PIWIL3: variants seen among roughly 807,000 people sequenced by gnomAD.
PIWIL3 encodes piwi-like protein 3.
A neutral mutation model predicts 109.7 loss-of-function variants in PIWIL3; 101 were observed. The ratio of observed to expected loss-of-function variants is 0.92; its 90% CI spans 0.78 to 1.09. PIWIL3 has a LOEUF of 1.09. Among genes scored for constraint, PIWIL3 ranks in the 50% least tolerant of loss-of-function variants. PIWIL3 has a pLI of 0.00. For missense variants in PIWIL3, 1,031 were observed against 1,072.6 expected, an observed-to-expected ratio of 0.96 and a Z score of 0.54; for synonymous variants, 373 against 376.4, an observed-to-expected ratio of 0.99 and a Z score of 0.10.
chr22:24,724,978 G>T lies in PIWIL3; in HGVS notation c.2140C>A (p.Arg714=). 1 of 1,614,096 alleles carries T rather than the reference G, an allele frequency of 6.2e-7. No homozygotes were observed. Among genetic ancestry groups the T allele is most frequent in the Non-Finnish European group, 8.5e-7 (1 of 1,179,998 alleles). The part of the protein sequence containing the change: ...SSMPHSVIVY[R]DGVGDGQLQA... ...AGCTGACCATCTCCCACTCCATCCC[G>T]ATACACAATAACAGAATGTGGCATC... Residue 714 remains arginine, a synonymous_variant, in exon 18 of 21, where the codon CGG becomes AGG. Transcript: ENST00000616349.
At chr22:24,741,313 G>A (rs982231198) in intron 12 of PIWIL3, among the ~76,000 whole-genome samples, 15 of 152,184 alleles carry the variant, frequency 9.9e-5, no homozygotes, top group African/African-American at 2.9e-4. Flanking sequence ...AGGAGATCAA[G>A]ACCATCCTGG....
intron 17 of PIWIL3, 56 bp downstream of exon 17, chr22:24,725,389 T>C (rs955217173): frequency 3.8e-6 from 6 of 1,592,078 alleles, no homozygotes; most frequent in Middle Eastern, 1.7e-4. Flanking sequence ...AGTAAGTCCA[T>C]TGGTGGAGAA....
chr22:24,771,391 T>C (rs1926124549), intron 1 of PIWIL3, among the ~76,000 whole-genome samples: 1 of 148,662 alleles, frequency 6.7e-6, no homozygotes, highest in Admixed American at 6.9e-5. Context: ...GGCAGGAGAA[T>C]GGCGTGAACC....
intron 9 of PIWIL3, among the ~76,000 whole-genome samples, chr22:24,751,038 T>C (rs1260446807): frequency 1.3e-5 from 2 of 151,572 alleles, no homozygotes; most frequent in East Asian, 3.9e-4. Context: ...GCAGGAAAAT[T>C]GCTTGAACCT....
intron 1 of PIWIL3, among the ~76,000 whole-genome samples, chr22:24,765,877 T>C (rs1440028956): frequency 6.6e-6 from 1 of 152,054 alleles, no homozygotes; most frequent in African/African-American, 2.4e-5. Flanking sequence ...AGAATTTTAA[T>C]GTGAAGACAT....
intron 1 of PIWIL3, among the ~76,000 whole-genome samples, chr22:24,766,161 A>AT (rs1925774862): frequency 6.6e-6 from 1 of 151,700 alleles, no homozygotes; most frequent in Non-Finnish European, 1.5e-5. Context: ...ATTTTTTAGT[A>AT]TTTTTTGTGG....
In PIWIL3 at chr22:24,720,259, GTTTTT is replaced by G. The variant is rs56087060; in HGVS notation, c.2358-369_2358-365del. Reference sequence around the variant, plus strand: ...AGAATCACTGGACTATATTTAAACTGTTTTTTTTTTTTTTTTTTTTTTTTTTTTTT... The same window carrying G: ...AGAATCACTGGACTATATTTAAACTGTTTTTTTTTTTTTTTTTTTTTTTTT... On this transcript the variant is annotated intron_variant, in intron 19 of 20. Transcript: ENST00000616349. Among the ~76,000 whole-genome samples, 830 of 105,554 alleles carry G rather than the reference GTTTTT, an allele frequency of 7.9e-3. 20 individuals are homozygous for G. Among genetic ancestry groups the G allele is most frequent in the African/African-American group, 0.026 (754 of 28,986 alleles). 69.2% of individuals were successfully genotyped at this position (105,554 alleles called of 152,430 possible).
At chr22:24,764,624 C>CTG (rs1569112703) in intron 1 of PIWIL3, among the ~76,000 whole-genome samples, 2 of 63,804 alleles carry the variant, frequency 3.1e-5, no homozygotes, top group Non-Finnish European at 6.1e-5. Context: ...TTTGACCTTG[C>CTG]CGTGTGTGTG....
At chr22:24,752,889 GT>G (rs1292872361) in intron 8 of PIWIL3, among the ~76,000 whole-genome samples, 1 of 152,122 alleles carries the variant, frequency 6.6e-6, no homozygotes, top group Non-Finnish European at 1.5e-5. Flanking sequence ...ATATCTCATT[GT>G]GGTTTTCACT....
In PIWIL3 at chr22:24,719,510, G is replaced by A; in HGVS notation, c.2584C>T (p.Pro862Ser). The A allele has an allele frequency of 6.2e-7, 1 of 1,604,420 alleles. No individual in the cohort carries two copies. The highest frequency in any genetic ancestry group is 2.2e-5 in the East Asian group (1 of 44,820). Residue 862 changes from proline (P) to serine (S), a missense_variant, in exon 21 of 21, where the codon CCG becomes TCG. Transcript: ENST00000616349. ...YLVGQSIHQE[P>S]NRSLSTRLFY... is the part of the protein sequence containing the mutation. ...AGACGAGTTGACAAGGAACGATTCG[G>A]TTCCTGGTGAATGGACTGCCCCACG...
intron 2 of PIWIL3, among the ~76,000 whole-genome samples, chr22:24,761,691 T>G (rs142404044): frequency 6.6e-6 from 1 of 151,702 alleles, no homozygotes; most frequent in Admixed American, 6.6e-5. Context: ...GGCTGGACTA[T>G]GGGTTCAGAT....
intron 4 of PIWIL3, among the ~76,000 whole-genome samples, chr22:24,757,074 C>T (rs528773915): frequency 7.0e-4 from 58 of 82,964 alleles, no homozygotes; most frequent in African/African-American, 2.9e-3. Flanking sequence ...AGCTAAACTC[C>T]GTCTCAAAAA....
intron 19 of PIWIL3, among the ~76,000 whole-genome samples, chr22:24,722,607 G>T (rs1922738117): frequency 6.6e-6 from 1 of 152,020 alleles, no homozygotes; most frequent in Admixed American, 6.5e-5. Flanking sequence ...CAGCTACTTG[G>T]CAGGCTGAGG....
intron 1 of PIWIL3, among the ~76,000 whole-genome samples, chr22:24,765,563 C>T (rs533858014): frequency 6.6e-6 from 1 of 152,064 alleles, no homozygotes; most frequent in East Asian, 1.9e-4. Flanking sequence ...TCTTACAGAT[C>T]GTGTAGATTG....
intron 11 of PIWIL3, 143 bp downstream of exon 11, chr22:24,749,261 A>G: frequency 7.6e-7 from 1 of 1,321,480 alleles, no homozygotes; most frequent in Non-Finnish European, 1.0e-6. Context: ...TGACAGAAAA[A>G]CTAGAGTTGT....
At chr22:24,743,210 T>C (rs1363463500) in intron 12 of PIWIL3, among the ~76,000 whole-genome samples, 1 of 152,016 alleles carries the variant, frequency 6.6e-6, no homozygotes, top group Non-Finnish European at 1.5e-5. Flanking sequence ...GATGTTGACA[T>C]GGATGTGGCA....
At chr22:24,726,024 C>T (rs186084882) in intron 16 of PIWIL3, among the ~76,000 whole-genome samples, 2 of 152,294 alleles carry the variant, frequency 1.3e-5, no homozygotes, top group Admixed American at 1.3e-4. Flanking sequence ...ATCTGACCAC[C>T]TGACATTGTG....
chr22:24,740,218 C>CAAAAAAAAAAAAAAAAAA (rs71189272), intron 12 of PIWIL3, among the ~76,000 whole-genome samples: 3 of 63,894 alleles, frequency 4.7e-5, no homozygotes, highest in Admixed American at 1.6e-4. Context: ...GAGACTGTCT[C>CAAAAAAAAAAAAAAAAAA]AAAAAAAAAA....
chr22:24,745,057 C>G (rs1331837376), intron 12 of PIWIL3, among the ~76,000 whole-genome samples: 1 of 152,072 alleles, frequency 6.6e-6, no homozygotes, highest in African/African-American at 2.4e-5. Context: ...AACTAGAAAT[C>G]AAAAACGAGG....
Sources: allele counts gnomAD v4.1 joint callset (sites outside exome capture counted in the v4.1 genomes callset), GRCh38; gene constraint gnomAD v4.1.1; transcripts MANE v1.5; gene names NCBI Gene and HGNC (gene_info 2026-07-23, HGNC 2026-07-21).